Variants in ZNF892 observed in about 807,000 individuals in gnomAD.
The protein encoded by ZNF892 is zinc finger protein 570-like.
the ZNF892 span, among the ~76,000 whole-genome samples, chr2:95,212,611 C>G: frequency 1.3e-5 from 2 of 152,130 alleles, no homozygotes; most frequent in African/African-American, 4.8e-5. Context: ...TTGCTGGATG[C>G]CATTTTTTTG....
the ZNF892 span, among the ~76,000 whole-genome samples, chr2:95,219,446 GA>G: frequency 6.6e-6 from 1 of 152,096 alleles, no homozygotes; most frequent in East Asian, 1.9e-4. Context: ...TTTCCTTGCT[GA>G]GAGCCTTTCT....
the ZNF892 span, among the ~76,000 whole-genome samples, chr2:95,206,788 G>C: frequency 6.6e-6 from 1 of 151,970 alleles, no homozygotes; most frequent in Non-Finnish European, 1.5e-5. Context: ...AAGGGGGTTG[G>C]GTAAGGAGCC....
At chr2:95,207,211 C>T in the ZNF892 span, among the ~76,000 whole-genome samples, 1 of 152,242 alleles carries the variant, frequency 6.6e-6, no homozygotes, top group South Asian at 2.1e-4. Context: ...GATGGAGCAC[C>T]GCAGCCCGGG....
the ZNF892 span, among the ~76,000 whole-genome samples, chr2:95,235,577 G>A: frequency 1.2e-4 from 19 of 152,098 alleles, no homozygotes; most frequent in Non-Finnish European, 2.6e-4. Flanking sequence ...TAGCCAGGAT[G>A]GTCTTGATCT....
the ZNF892 span, among the ~76,000 whole-genome samples, chr2:95,250,597 TTATAAATTTATAAA>T: frequency 7.1e-5 from 7 of 98,494 alleles, no homozygotes; most frequent in African/African-American, 2.3e-4. Context: ...TATTCATAAA[TTATAAATTTATAAA>T]TATAAACTAT....
the ZNF892 span, among the ~76,000 whole-genome samples, chr2:95,238,040 G>A: frequency 6.6e-6 from 1 of 152,250 alleles, no homozygotes; most frequent in Non-Finnish European, 1.5e-5. Flanking sequence ...TGCTGACAGA[G>A]AAAATGCAGC....
the ZNF892 span, among the ~76,000 whole-genome samples, chr2:95,225,412 G>A: frequency 6.6e-6 from 1 of 152,194 alleles, no homozygotes; most frequent in Admixed American, 6.5e-5. Context: ...GGCCCTCCTT[G>A]CAGCATCATC....
the ZNF892 span, among the ~76,000 whole-genome samples, chr2:95,243,663 C>T: frequency 4.6e-5 from 7 of 152,094 alleles, no homozygotes; most frequent in South Asian, 2.1e-4. Context: ...GCAGCCACCC[C>T]GTCTGGGAAG....
At chr2:95,247,930 G>C in the ZNF892 span, among the ~76,000 whole-genome samples, 1 of 152,192 alleles carries the variant, frequency 6.6e-6, no homozygotes, top group African/African-American at 2.4e-5. Flanking sequence ...GCAGTTTGGC[G>C]ATTTCTTGGA....
At chr2:95,262,651 T>TA in the ZNF892 span, among the ~76,000 whole-genome samples, 2 of 152,142 alleles carry the variant, frequency 1.3e-5, 1 homozygote, top group South Asian at 4.1e-4. Flanking sequence ...CTTAGGATGA[T>TA]AGAGTAGAAA....
chr2:95,222,707 G>A, the ZNF892 span, among the ~76,000 whole-genome samples: 1 of 151,318 alleles, frequency 6.6e-6, no homozygotes, highest in Non-Finnish European at 1.5e-5. Context: ...TTTGTGGCTT[G>A]TCTTTTTATT....
chr2:95,221,157 A>C, the ZNF892 span, among the ~76,000 whole-genome samples: 3 of 152,224 alleles, frequency 2.0e-5, no homozygotes, highest in African/African-American at 7.2e-5. Flanking sequence ...TCGAAAATGG[A>C]TGCAAATGTG....
chr2:95,244,541 G>C, the ZNF892 span, among the ~76,000 whole-genome samples: 2 of 152,188 alleles, frequency 1.3e-5, no homozygotes, highest in Admixed American at 6.5e-5. Flanking sequence ...TATTCATAAA[G>C]CAAGTTCTTA....
At chr2:95,249,422 T>G in the ZNF892 span, among the ~76,000 whole-genome samples, 1 of 146,920 alleles carries the variant, frequency 6.8e-6, no homozygotes, top group Non-Finnish European at 1.5e-5. Context: ...TTTTTTTTTG[T>G]ATATTTAGTA....
At chr2:95,254,373 T>C in the ZNF892 span, among the ~76,000 whole-genome samples, 1 of 152,252 alleles carries the variant, frequency 6.6e-6, no homozygotes, top group Non-Finnish European at 1.5e-5. Flanking sequence ...GTTTATATGC[T>C]GGATTACGTT....
chr2:95,254,351 G>A, the ZNF892 span, among the ~76,000 whole-genome samples: 1 of 152,150 alleles, frequency 6.6e-6, no homozygotes, highest in Non-Finnish European at 1.5e-5. Flanking sequence ...TGTGGTTTTT[G>A]TTGTTGGTTC....
At chr2:95,235,913 C>T in the ZNF892 span, among the ~76,000 whole-genome samples, 3 of 152,280 alleles carry the variant, frequency 2.0e-5, no homozygotes, top group East Asian at 1.9e-4. Context: ...TACTGTTCAA[C>T]GCCTCCCCAG....
chr2:95,211,109 G>A, the ZNF892 span, among the ~76,000 whole-genome samples: 1 of 152,080 alleles, frequency 6.6e-6, no homozygotes, highest in Non-Finnish European at 1.5e-5. Flanking sequence ...TTCAGATACT[G>A]TTTTACAAAT....
the ZNF892 span, among the ~76,000 whole-genome samples, chr2:95,252,031 G>C: frequency 1.5e-4 from 23 of 152,208 alleles, 1 homozygote; most frequent in African/African-American, 5.3e-4. Flanking sequence ...TAAGAGTTCG[G>C]AGTCGCAAAG....
Sources: gnomAD v4.1 joint callset for allele counts (sites outside exome capture counted in the v4.1 genomes callset) on GRCh38, gnomAD v4.1.1 for gene constraint, MANE v1.5 for transcripts, NCBI Gene and HGNC (gene_info 2026-07-23, HGNC 2026-07-21) for gene names.